Variants in SAMD8 observed in about 807,000 individuals in gnomAD.
The protein encoded by SAMD8 is sphingomyelin synthase-related protein 1.
SAMD8 carries 20 observed loss-of-function variants against 42.0 expected under a neutral mutation model. That is an observed-to-expected ratio of 0.48 (90% confidence interval 0.34 to 0.69). The LOEUF is 0.69. Among genes scored for constraint, SAMD8 ranks in the 30% least tolerant of loss-of-function variants. The pLI, the probability that SAMD8 is intolerant of heterozygous loss-of-function variation, is 0.01. For synonymous variants in SAMD8, 162 were observed against 173.0 expected (o/e 0.94, Z 0.50); for missense variants, 328 against 511.6 (o/e 0.64, Z 3.46).
At chr10:75,127,187 C>CAAAA (rs11441219) in intron 1 of SAMD8, among the ~76,000 whole-genome samples, 2 of 117,070 alleles carry the variant, frequency 1.7e-5, no homozygotes, top group Admixed American at 8.5e-5. Flanking sequence ...GACTCTGTCT[C>CAAAA]AAAAAAAAAA....
chr10:75,159,237 T>C (rs952186277), intron 2 of SAMD8, among the ~76,000 whole-genome samples: 1 of 151,876 alleles, frequency 6.6e-6, no homozygotes, highest in African/African-American at 2.4e-5. Context: ...TTTGTATTTT[T>C]AGTAGAGACG....
At chr10:75,162,632 C>G (rs975150760) in intron 2 of SAMD8, among the ~76,000 whole-genome samples, 2 of 125,988 alleles carry the variant, frequency 1.6e-5, no homozygotes, top group Admixed American at 9.5e-5. Context: ...CTGGGGAACA[C>G]GAGTGAAACT....
chr10:75,135,551 C>T (rs1470655199), intron 1 of SAMD8, among the ~76,000 whole-genome samples: 1 of 151,498 alleles, frequency 6.6e-6, no homozygotes. Flanking sequence ...TGTGGCTGGC[C>T]GCGGTGGCTC....
intron 2 of SAMD8, among the ~76,000 whole-genome samples, chr10:75,154,167 A>G (rs1462670176): frequency 6.6e-6 from 1 of 152,202 alleles, no homozygotes; most frequent in African/African-American, 2.4e-5. Context: ...AAGTTGGAAG[A>G]TGGATGGATG....
At chr10:75,159,362 C>CA (rs1370105515) in intron 2 of SAMD8, among the ~76,000 whole-genome samples, 3 of 152,130 alleles carry the variant, frequency 2.0e-5, no homozygotes, top group Non-Finnish European at 2.9e-5. Flanking sequence ...CCCAGCGGGA[C>CA]ATGTATTATC....
In SAMD8 at chr10:75,160,629, A is replaced by C. The variant is rs573046022; in HGVS notation, c.579-4016A>C. On this transcript the variant is annotated intron_variant, in intron 2 of 5. Transcript: ENST00000542569. ...CAGGTTCCTCACAACAGTCCACTAA[A>C]ATGGCAGTAAAAGAGTGAAGAAACT... Among the ~76,000 whole-genome samples the C allele has an allele frequency of 6.4e-4, 98 of 152,352 alleles. 1 individual carries two copies. Among genetic ancestry groups the C allele is most frequent in the Non-Finnish European group, 1.3e-3 (87 of 68,032 alleles).
At chr10:75,114,642 ATTG>A (rs1484672783) in intron 1 of SAMD8, among the ~76,000 whole-genome samples, 1 of 152,138 alleles carries the variant, frequency 6.6e-6, no homozygotes, top group Non-Finnish European at 1.5e-5. Flanking sequence ...TAGTATTATT[ATTG>A]TTTTATAAGA....
At chr10:75,167,496 G>A (rs1233148871) in intron 3 of SAMD8, among the ~76,000 whole-genome samples, 1 of 152,140 alleles carries the variant, frequency 6.6e-6, no homozygotes, top group Non-Finnish European at 1.5e-5. Flanking sequence ...AAAGTTCTGG[G>A]ATTATAGACA....
chr10:75,166,777 A>G (rs1380501039), intron 3 of SAMD8, among the ~76,000 whole-genome samples: 1 of 152,262 alleles, frequency 6.6e-6, no homozygotes, highest in East Asian at 1.9e-4. Context: ...CTACTCTTCA[A>G]AACTGGAGTT....
chr10:75,124,612 CAA>C (rs35025534), intron 1 of SAMD8, among the ~76,000 whole-genome samples: 13 of 90,536 alleles, frequency 1.4e-4, no homozygotes, highest in Admixed American at 2.2e-4. Flanking sequence ...GACTCCATCT[CAA>C]AAAAAAAAAA....
At chr10:75,099,604 T>G (rs1848010515) in exon 1 of SAMD8, 2 of 1,189,374 alleles carry the variant, frequency 1.7e-6, no homozygotes. Context: ...ACTGAGGCCT[T>G]GTGGACTGCA....
upstream of SAMD8, among the ~76,000 whole-genome samples, chr10:75,110,323 T>G (rs1352938164): frequency 1.3e-5 from 2 of 152,118 alleles, no homozygotes; most frequent in African/African-American, 4.8e-5. Context: ...AAATAGAAAC[T>G]GAGAAAGGTC....
intron 1 of SAMD8, among the ~76,000 whole-genome samples, chr10:75,106,101 C>CTTT (rs767630456): frequency 6.5e-5 from 8 of 123,012 alleles, no homozygotes; most frequent in South Asian, 2.6e-4. Flanking sequence ...TCTTTCTTTT[C>CTTT]TTTTTTTTTT....
intron 1 of SAMD8, among the ~76,000 whole-genome samples, chr10:75,139,108 G>A (rs1180653628): frequency 2.0e-5 from 3 of 151,596 alleles, no homozygotes; most frequent in Admixed American, 6.6e-5. Context: ...TTACAGGCAT[G>A]CACCACCACG....
chr10:75,152,433 A>G (rs1200939164), intron 2 of SAMD8, among the ~76,000 whole-genome samples: 1 of 149,300 alleles, frequency 6.7e-6, no homozygotes, highest in Non-Finnish European at 1.5e-5. Context: ...GAGGCAGGAG[A>G]ATGGCGTGAA....
intron 1 of SAMD8, chr10:75,105,733 T>A (rs965913587): frequency 1.3e-6 from 2 of 1,554,500 alleles, no homozygotes; most frequent in Non-Finnish European, 1.7e-6. Context: ...GAAGCCTCGG[T>A]TGGGGAAGAC....
Position 75,177,755 on chromosome 10 carries a change from AAATAT to A in SAMD8, c.*1067_*1071del, listed in dbSNP as rs1259550470. 1 of 152,138 alleles carries A rather than the reference AAATAT, an allele frequency of 6.6e-6. No individual in the cohort carries two copies. The highest frequency in any genetic ancestry group is 6.5e-5 in the Admixed American group (1 of 15,284). 9.4% of individuals were successfully genotyped at this position (152,138 alleles called of 1,614,324 possible). ...AAAAGTTTCGTTGTTTTTTACTTTT[AAATAT>A]AATGGTGTATATACATTCTTTCTAT... On this transcript the variant is annotated 3_prime_UTR_variant, in exon 6 of 6. Coordinates refer to ENST00000542569, the MANE Select transcript of SAMD8 (RefSeq NM_001174156.2).
At chr10:75,142,133 A>G (rs1046749086) in intron 1 of SAMD8, among the ~76,000 whole-genome samples, 2 of 151,762 alleles carry the variant, frequency 1.3e-5, no homozygotes, top group Non-Finnish European at 2.9e-5. Flanking sequence ...TTTTTAGTAG[A>G]GATGGGGTTT....
chr10:75,107,999 C>A (rs767736769), upstream of SAMD8: 20 of 1,611,858 alleles, frequency 1.2e-5, no homozygotes, highest in South Asian at 1.7e-4. Context: ...TACCCCCAGG[C>A]GTGTTGAGGG....
Sources: allele counts gnomAD v4.1 joint callset (sites outside exome capture counted in the v4.1 genomes callset), GRCh38; gene constraint gnomAD v4.1.1; transcripts MANE v1.5; gene names NCBI Gene and HGNC (gene_info 2026-07-23, HGNC 2026-07-21).